MICU2: variants seen among roughly 807,000 people sequenced by gnomAD.
MICU2 encodes the protein calcium uptake protein 2, mitochondrial.
Under a neutral mutation model 60.4 loss-of-function variants are expected in MICU2, and 64 were observed. The ratio of observed to expected loss-of-function variants is 1.06; its 90% confidence interval spans 0.87 to 1.31. MICU2 has a LOEUF of 1.31. MICU2 is among the 50% of genes most tolerant of loss of function. The pLI is 0.00. For synonymous variants in MICU2, 201 were observed against 175.0 expected (o/e 1.15, Z -1.17); for missense variants, 569 against 531.0 (o/e 1.07, Z -0.70).
intron 4 of MICU2, among the ~76,000 whole-genome samples, chr13:21,538,349 T>C (rs745517237): frequency 6.6e-5 from 10 of 151,870 alleles, no homozygotes; most frequent in Admixed American, 1.3e-4. Context: ...TCAGGAGGAC[T>C]GCTTGAGCCC....
chr13:21,518,959 CTT>C (rs951861690), intron 6 of MICU2, among the ~76,000 whole-genome samples: 8 of 152,326 alleles, frequency 5.3e-5, no homozygotes, highest in African/African-American at 1.9e-4. Flanking sequence ...CCCCACGACT[CTT>C]TTGAAACTGC....
intron 1 of MICU2, among the ~76,000 whole-genome samples, chr13:21,583,989 C>G (rs1246015750): frequency 6.6e-6 from 1 of 152,174 alleles, no homozygotes; most frequent in Non-Finnish European, 1.5e-5. Flanking sequence ...TAATTTCAAA[C>G]AGTAGATGTG....
At chr13:21,509,974 C>A in intron 8 of MICU2, 30 bp downstream of exon 8, 1 of 1,286,058 alleles carries the variant, frequency 7.8e-7, no homozygotes. Flanking sequence ...CATAAAATTT[C>A]CCTAAATGAA....
chr13:21,548,313 T>G (rs1468329237), intron 2 of MICU2, among the ~76,000 whole-genome samples: 3 of 152,194 alleles, frequency 2.0e-5, no homozygotes, highest in Non-Finnish European at 2.9e-5. Context: ...GCTCTATACT[T>G]TGTAATGTCT....
At chr13:21,493,487 G>C (rs1373440706) in intron 11 of MICU2, 134 bp from the exon 12 acceptor site, 2 of 609,318 alleles carry the variant, frequency 3.3e-6, no homozygotes, top group Non-Finnish European at 5.4e-6. Context: ...TGTTGTAAAA[G>C]ATGATCACAA....
chr13:21,508,219 G>A (rs1007682909), intron 8 of MICU2, among the ~76,000 whole-genome samples: 7 of 150,706 alleles, frequency 4.6e-5, no homozygotes, highest in South Asian at 4.2e-4. Flanking sequence ...TCTGCCTCCC[G>A]GGTTCACACC....
chr13:21,602,394 C>T (rs576283359), intron 1 of MICU2, among the ~76,000 whole-genome samples: 1 of 151,826 alleles, frequency 6.6e-6, no homozygotes, highest in Non-Finnish European at 1.5e-5. Context: ...CGATGGCGGG[C>T]GCCTGTAGTC....
Position 21,496,168 on chromosome 13 carries a change from A to T in MICU2, c.934-8T>A, listed in dbSNP as rs1218059792. 6.3e-7 allele frequency: 1 copy of T among 1,591,038 alleles called. No homozygotes were observed. The highest frequency in any genetic ancestry group is 2.2e-5 in the East Asian group (1 of 44,690). On this transcript the variant is annotated splice_region_variant and splice_polypyrimidine_tract_variant and intron_variant, in intron 9 of 11. Transcript: ENST00000382374. Reference sequence around the variant, plus strand: ...TTCATCCAAACTAATGCTCTAATAAAGTAAGAGTTTTTATTACAATTTTGT... The same window carrying T: ...TTCATCCAAACTAATGCTCTAATAATGTAAGAGTTTTTATTACAATTTTGT...
rs11291826 is a variant in MICU2 at position 21,602,969 on chromosome 13, C to CT, written c.210+969dup. On this transcript the variant is annotated intron_variant, in intron 1 of 11. Transcript: ENST00000382374. ...TTATCCTGAAATAGGGAACTTGAAT[C>CT]TTTTTTTTTTTTTTTTGAGACGGAG... Among the ~76,000 whole-genome samples the CT allele has an allele frequency of 2.8e-3, 371 of 134,596 alleles. 2 individuals carry two copies. The highest frequency in any genetic ancestry group is 9.5e-3 in the African/African-American group (354 of 37,234). The allele number at this position is 134,596 out of a possible 152,430, so 88.3% of individuals were successfully genotyped here.
intron 9 of MICU2, among the ~76,000 whole-genome samples, chr13:21,501,588 T>C (rs1221908357): frequency 6.6e-6 from 1 of 152,142 alleles, no homozygotes; most frequent in Non-Finnish European, 1.5e-5. Flanking sequence ...TCCCAATAAT[T>C]CAATGGTATT....
intron 1 of MICU2, among the ~76,000 whole-genome samples, chr13:21,567,311 A>T (rs1317480151): frequency 6.6e-6 from 1 of 152,194 alleles, no homozygotes; most frequent in Non-Finnish European, 1.5e-5. Flanking sequence ...TAGAGAGATT[A>T]AACGAGGTGG....
At chr13:21,530,689 G>A (rs1411395315) in intron 4 of MICU2, 2 of 372,396 alleles carry the variant, frequency 5.4e-6, no homozygotes, top group Non-Finnish European at 9.7e-6. Context: ...TTACTGGGGT[G>A]GCCACTGAGG....
chr13:21,584,601 CT>C (rs1888419831), intron 1 of MICU2, among the ~76,000 whole-genome samples: 1 of 152,016 alleles, frequency 6.6e-6, no homozygotes, highest in South Asian at 2.1e-4. Flanking sequence ...ATCTATGGAA[CT>C]TTCATAGATG....
intron 2 of MICU2, among the ~76,000 whole-genome samples, chr13:21,557,611 T>C (rs755831105): frequency 1.2e-3 from 182 of 152,378 alleles, no homozygotes; most frequent in Non-Finnish European, 2.2e-3. Flanking sequence ...TTAGACTGTT[T>C]TGTATCTTTC....
At chr13:21,577,778 C>T (rs1422731049) in intron 1 of MICU2, among the ~76,000 whole-genome samples, 1 of 140,558 alleles carries the variant, frequency 7.1e-6, no homozygotes, top group East Asian at 2.0e-4. Context: ...GCACTCCAGC[C>T]TGGGTGACAG....
intron 1 of MICU2, among the ~76,000 whole-genome samples, chr13:21,598,014 T>C (rs927912979): frequency 6.6e-6 from 1 of 151,948 alleles, no homozygotes; most frequent in Non-Finnish European, 1.5e-5. Flanking sequence ...AGAAGACTTT[T>C]ACGTATTTAT....
intron 9 of MICU2, among the ~76,000 whole-genome samples, chr13:21,497,701 C>G (rs941776873): frequency 6.6e-6 from 1 of 152,184 alleles, no homozygotes; most frequent in African/African-American, 2.4e-5. Flanking sequence ...GAGCAAGACC[C>G]TGTCTCAAAA....
At chr13:21,511,505 T>C (rs1886426725) in intron 7 of MICU2, among the ~76,000 whole-genome samples, 1 of 152,188 alleles carries the variant, frequency 6.6e-6, no homozygotes, top group Admixed American at 6.5e-5. Context: ...GGGATACCTA[T>C]AGATTTCACA....
chr13:21,554,149 C>T (rs577313782), intron 2 of MICU2, among the ~76,000 whole-genome samples: 85 of 152,184 alleles, frequency 5.6e-4, no homozygotes, highest in African/African-American at 2.0e-3. Context: ...TAAGGATATC[C>T]GGGAATTGAA....
Sources: gnomAD v4.1 joint callset for allele counts (sites outside exome capture counted in the v4.1 genomes callset) on GRCh38, gnomAD v4.1.1 for gene constraint, MANE v1.5 for transcripts, NCBI Gene and HGNC (gene_info 2026-07-23, HGNC 2026-07-21) for gene names.